The following GNAQ variants were observed in gnomAD, a reference collection of about 807,000 sequenced individuals.
The protein encoded by GNAQ is G protein subunit alpha q.
GNAQ carries 8 observed loss-of-function variants against 43.9 expected under a neutral mutation model. That is an observed-to-expected ratio of 0.18 (90% confidence interval 0.11 to 0.33). The LOEUF (loss-of-function observed/expected upper bound fraction) is 0.33, where lower values mean the gene tolerates loss of function less well. GNAQ is among the 10% of genes least tolerant of loss of function. The probability of loss-of-function intolerance (pLI) is 1.00; values close to 1 mark genes in which losing one functional copy is unlikely to be tolerated. For synonymous variants in GNAQ, 155 were observed against 170.7 expected (o/e 0.91, Z 0.71); for missense variants, 158 against 450.8 (o/e 0.35, Z 5.88).
chr9:77,755,233 G>C (rs1008545022), intron 5 of GNAQ, among the ~76,000 whole-genome samples: 5 of 152,194 alleles, frequency 3.3e-5, no homozygotes, highest in East Asian at 1.9e-4. Context: ...AGGCTGGAAA[G>C]GGTAGTGGGG....
rs182980660 is a variant in GNAQ, at chr9:77,824,149, T to G, written c.322-8379A>C. On this transcript the variant is annotated intron_variant, in intron 2 of 6. Coordinates refer to ENST00000286548, the MANE Select transcript of GNAQ (RefSeq NM_002072.5). ...ATATTTTTTCAATATTGACATATTA[T>G]GTATTTAACTATTTCATAGAATTGT... Among the ~76,000 whole-genome samples, 1,174 of 152,326 alleles carry G rather than the reference T, an allele frequency of 7.7e-3. 22 individuals are homozygous for G. Among genetic ancestry groups the G allele is most frequent in the African/African-American group, 0.027 (1,122 of 41,572 alleles).
chr9:77,741,379 A>G (rs774318040), intron 5 of GNAQ, among the ~76,000 whole-genome samples: 28 of 152,266 alleles, frequency 1.8e-4, no homozygotes, highest in Non-Finnish European at 2.8e-4. Context: ...AAGCACATAT[A>G]TGGAAATAAA....
chr9:78,015,528 A>G, intron 1 of GNAQ, among the ~76,000 whole-genome samples: 1 of 152,238 alleles, frequency 6.6e-6, no homozygotes, highest in Non-Finnish European at 1.5e-5. Flanking sequence ...TTAGCAGCAA[A>G]TATCAGTCAT....
intron 5 of GNAQ, among the ~76,000 whole-genome samples, chr9:77,761,821 G>A (rs1826032500): frequency 3.0e-5 from 2 of 67,528 alleles, no homozygotes; most frequent in African/African-American, 5.1e-5. Context: ...CCCTCTGCCC[G>A]GCCAGCCGCC....
At chr9:77,932,784 A>G (rs867571492) in intron 1 of GNAQ, among the ~76,000 whole-genome samples, 5 of 152,204 alleles carry the variant, frequency 3.3e-5, no homozygotes, top group Non-Finnish European at 4.4e-5. Flanking sequence ...GAAAGTCTGA[A>G]CCAGTGAAGT....
At chr9:78,004,704 G>A (rs954394862) in intron 1 of GNAQ, among the ~76,000 whole-genome samples, 1 of 152,022 alleles carries the variant, frequency 6.6e-6, no homozygotes, top group East Asian at 1.9e-4. Flanking sequence ...AACGTCATAG[G>A]AGTCAACAGA....
In GNAQ at chr9:77,838,578, T is replaced by C. The variant is rs1373399022; in HGVS notation, c.322-22808A>G. Among the ~76,000 whole-genome samples the C allele has an allele frequency of 4.0e-5, 6 of 151,692 alleles. No homozygotes were observed. In the East Asian group the frequency reaches 9.7e-4, roughly 25 times the overall value. ...TATATTTCTGCCTCATGATGGGAAA[T>C]AGAACCCAAGTAGAAATGGGGTAGA... is the stretch of plus-strand genomic sequence containing the variant. On this transcript the variant is annotated intron_variant, in intron 2 of 6. Coordinates refer to ENST00000286548, the MANE Select transcript of GNAQ (RefSeq NM_002072.5).
intron 2 of GNAQ, among the ~76,000 whole-genome samples, chr9:77,889,155 C>G (rs1828357960): frequency 6.6e-6 from 1 of 151,884 alleles, no homozygotes; most frequent in Non-Finnish European, 1.5e-5. Flanking sequence ...TGGCTCACAC[C>G]TGTAATCCCA....
chr9:77,871,952 T>C (rs1828046334), intron 2 of GNAQ, among the ~76,000 whole-genome samples: 1 of 152,208 alleles, frequency 6.6e-6, no homozygotes, highest in Non-Finnish European at 1.5e-5. Context: ...AACATTGCTA[T>C]GCCCTAAATT....
intron 2 of GNAQ, among the ~76,000 whole-genome samples, chr9:77,823,259 G>T (rs570461480): frequency 6.6e-6 from 1 of 152,228 alleles, no homozygotes; most frequent in South Asian, 2.1e-4. Context: ...GTAGGAAGAA[G>T]GGAAGGAAAA....
intron 1 of GNAQ, among the ~76,000 whole-genome samples, chr9:77,939,464 T>C (rs1449877656): frequency 6.6e-6 from 1 of 152,232 alleles, no homozygotes; most frequent in East Asian, 1.9e-4. Flanking sequence ...GTACAGTTGA[T>C]GTCCCAACCT....
chr9:77,768,217 C>G (rs1283974245), intron 5 of GNAQ, among the ~76,000 whole-genome samples: 2 of 152,136 alleles, frequency 1.3e-5, no homozygotes, highest in African/African-American at 4.8e-5. Context: ...ACAAAACTGC[C>G]TTTTAGAAGA....
chr9:77,924,949 A>C (rs1367982276), intron 1 of GNAQ, among the ~76,000 whole-genome samples: 2 of 151,836 alleles, frequency 1.3e-5, no homozygotes, highest in African/African-American at 4.8e-5. Context: ...AGGAAACCAG[A>C]GAGCGGGACA....
intron 1 of GNAQ, among the ~76,000 whole-genome samples, chr9:78,020,230 AG>A (rs1227580093): frequency 1.3e-5 from 2 of 152,214 alleles, no homozygotes; most frequent in African/African-American, 4.8e-5. Flanking sequence ...TTCCTGAGCA[AG>A]GATGTCTCAA....
chr9:77,733,233 T>A (rs926342543), intron 5 of GNAQ, among the ~76,000 whole-genome samples: 3 of 152,210 alleles, frequency 2.0e-5, no homozygotes, highest in Non-Finnish European at 4.4e-5. Flanking sequence ...AAAGCCCTGT[T>A]TGAGCCATCA....
chr9:77,806,753 G>C (rs904814732), intron 3 of GNAQ, among the ~76,000 whole-genome samples: 6 of 152,090 alleles, frequency 3.9e-5, no homozygotes, highest in Non-Finnish European at 1.5e-5. Flanking sequence ...CAACTTTTAC[G>C]GAAAGTCTAC....
intron 2 of GNAQ, among the ~76,000 whole-genome samples, chr9:77,872,987 A>T (rs542223698): frequency 1.9e-4 from 29 of 152,354 alleles, no homozygotes; most frequent in African/African-American, 6.7e-4. Flanking sequence ...GGTCATGAGA[A>T]TGTTCCCACA....
intron 2 of GNAQ, among the ~76,000 whole-genome samples, chr9:77,845,652 T>G (rs1024344750): frequency 7.2e-5 from 11 of 152,172 alleles, no homozygotes; most frequent in Non-Finnish European, 1.5e-4. Context: ...AACCATCTCT[T>G]TATAATCAGA....
chr9:77,969,766 C>A (rs1823213098), intron 1 of GNAQ, among the ~76,000 whole-genome samples: 2 of 152,134 alleles, frequency 1.3e-5, no homozygotes, highest in Admixed American at 1.3e-4. Context: ...GCATCAAATT[C>A]ATATATCCAT....
Sources: gnomAD v4.1 joint callset for allele counts (sites outside exome capture counted in the v4.1 genomes callset) on GRCh38, gnomAD v4.1.1 for gene constraint, MANE v1.5 for transcripts, NCBI Gene and HGNC (gene_info 2026-07-23, HGNC 2026-07-21) for gene names.